Variants in INPP4B observed in about 807,000 individuals in gnomAD.
The protein encoded by INPP4B is inositol polyphosphate-4-phosphatase type II B.
In INPP4B, 55 loss-of-function variants were observed where a neutral mutation model predicts 122.5. That is an observed-to-expected ratio of 0.45 (90% confidence interval 0.36 to 0.56). The LOEUF (loss-of-function observed/expected upper bound fraction) is 0.56, where lower values mean the gene tolerates loss of function less well. INPP4B is among the 20% of genes least tolerant of loss of function. The pLI is 0.00. For missense variants in INPP4B, 1,000 were observed against 1,097.7 expected (o/e 0.91, Z 1.26); for synonymous variants, 403 against 388.7 (o/e 1.04, Z -0.43).
At chr4:142,218,832 A>C (rs1848326595) in intron 12 of INPP4B, among the ~76,000 whole-genome samples, 1 of 152,238 alleles carries the variant, frequency 6.6e-6, no homozygotes, top group Non-Finnish European at 1.5e-5. Flanking sequence ...TCACTAGGAC[A>C]AAAATTAAAT....
chr4:142,672,968 G>A (rs1220179549), intron 2 of INPP4B, among the ~76,000 whole-genome samples: 5 of 152,058 alleles, frequency 3.3e-5, no homozygotes, highest in Non-Finnish European at 5.9e-5. Context: ...AGTTTTTCCA[G>A]TATCTTTTGT....
intron 2 of INPP4B, among the ~76,000 whole-genome samples, chr4:142,490,435 C>A (rs1016779420): frequency 6.6e-6 from 1 of 151,978 alleles, no homozygotes; most frequent in African/African-American, 2.4e-5. Flanking sequence ...TTCTTTCTAA[C>A]TGACACATAA....
chr4:142,498,285 C>T (rs1348816713), intron 2 of INPP4B, among the ~76,000 whole-genome samples: 2 of 151,478 alleles, frequency 1.3e-5, no homozygotes, highest in East Asian at 1.9e-4. Flanking sequence ...GTCAAAAATG[C>T]GAACCCAAGC....
At chr4:142,791,021 C>T (rs1776481864) in intron 1 of INPP4B, among the ~76,000 whole-genome samples, 1 of 152,070 alleles carries the variant, frequency 6.6e-6, no homozygotes, top group Admixed American at 6.6e-5. Context: ...TAATACCTAG[C>T]ATCTATATAA....
chr4:142,834,306 A>G (rs2151192052), intron 1 of INPP4B, among the ~76,000 whole-genome samples: 1 of 152,330 alleles, frequency 6.6e-6, no homozygotes, highest in African/African-American at 2.4e-5. Flanking sequence ...TATTATTCGT[A>G]GGATGTTCAG....
At chr4:142,479,999 G>A (rs1026242933) in intron 2 of INPP4B, among the ~76,000 whole-genome samples, 1 of 152,102 alleles carries the variant, frequency 6.6e-6, no homozygotes, top group Non-Finnish European at 1.5e-5. Context: ...AATGTACAGG[G>A]AAAGTATTAA....
intron 2 of INPP4B, among the ~76,000 whole-genome samples, chr4:142,498,246 G>A (rs1426167944): frequency 6.7e-6 from 1 of 149,516 alleles, no homozygotes; most frequent in African/African-American, 2.5e-5. Flanking sequence ...AACTTTTCTT[G>A]GGAGAGTTCA....
chr4:142,610,792 A>G (rs1236293380), intron 2 of INPP4B, among the ~76,000 whole-genome samples: 2 of 152,198 alleles, frequency 1.3e-5, no homozygotes, highest in Admixed American at 1.3e-4. Context: ...GTATGTGTAC[A>G]CACACACCCA....
chr4:142,086,714 A>G (rs925482063), intron 23 of INPP4B, among the ~76,000 whole-genome samples: 1 of 152,190 alleles, frequency 6.6e-6, no homozygotes, highest in Non-Finnish European at 1.5e-5. Flanking sequence ...GAGGACAACC[A>G]TACTTATTAA....
intron 2 of INPP4B, among the ~76,000 whole-genome samples, chr4:142,491,709 C>T (rs1315108622): frequency 6.6e-6 from 1 of 152,026 alleles, no homozygotes; most frequent in Non-Finnish European, 1.5e-5. Context: ...TAAAAGAAGA[C>T]ATACAAATGA....
At chr4:142,624,607 G>T (rs937200330) in intron 2 of INPP4B, among the ~76,000 whole-genome samples, 1 of 152,022 alleles carries the variant, frequency 6.6e-6, no homozygotes, top group Non-Finnish European at 1.5e-5. Flanking sequence ...AGAAAAAGAG[G>T]GAATCCTCCT....
chr4:142,323,851 G>A (rs1307266055), intron 7 of INPP4B, among the ~76,000 whole-genome samples: 2 of 151,990 alleles, frequency 1.3e-5, no homozygotes, highest in Non-Finnish European at 1.5e-5. Context: ...GGTAAGGTGA[G>A]GGGTAGGGAG....
intron 2 of INPP4B, among the ~76,000 whole-genome samples, chr4:142,631,769 G>C (rs985018593): frequency 6.6e-5 from 10 of 152,104 alleles, no homozygotes; most frequent in African/African-American, 1.9e-4. Context: ...AGCTGAACAC[G>C]TAAAATATTT....
chr4:142,567,811 C>A (rs1210091541), intron 2 of INPP4B, among the ~76,000 whole-genome samples: 1 of 151,992 alleles, frequency 6.6e-6, no homozygotes, highest in Non-Finnish European at 1.5e-5. Context: ...TTCATTATTG[C>A]TCTTTATTTA....
At chr4:142,441,140 C>A (rs1428760678) in intron 3 of INPP4B, among the ~76,000 whole-genome samples, 4 of 152,060 alleles carry the variant, frequency 2.6e-5, no homozygotes, top group African/African-American at 9.7e-5. Flanking sequence ...CATGATCATA[C>A]GTGAATTTTA....
chr4:142,823,312 C>G (rs1033267737), intron 1 of INPP4B, among the ~76,000 whole-genome samples: 1 of 152,148 alleles, frequency 6.6e-6, no homozygotes, highest in Non-Finnish European at 1.5e-5. Flanking sequence ...TCTTTCACAG[C>G]ATTTATTCCT....
intron 7 of INPP4B, chr4:142,383,860 A>G (rs531394907): frequency 4.8e-4 from 235 of 494,568 alleles, no homozygotes; most frequent in African/African-American, 4.1e-3. Flanking sequence ...TGCTTTGAAT[A>G]ATATCCGGGT....
At chr4:142,383,966 G>T in intron 7 of INPP4B, 2 of 636,178 alleles carry the variant, frequency 3.1e-6, no homozygotes, top group Non-Finnish European at 5.7e-6. Context: ...AGTTACCATC[G>T]TGCAGCTGTC....
At chr4:142,197,041 G>A (rs1385501604) in intron 14 of INPP4B, among the ~76,000 whole-genome samples, 1 of 131,278 alleles carries the variant, frequency 7.6e-6, no homozygotes, top group Non-Finnish European at 1.5e-5. Context: ...CAGGAGAATC[G>A]CATGAACCTA....
Sources: gnomAD v4.1 joint callset for allele counts (sites outside exome capture counted in the v4.1 genomes callset) on GRCh38, gnomAD v4.1.1 for gene constraint, MANE v1.5 for transcripts, NCBI Gene and HGNC (gene_info 2026-07-23, HGNC 2026-07-21) for gene names.